PCDHGA6: variants seen among roughly 807,000 people sequenced by gnomAD.
The protein encoded by PCDHGA6 is protocadherin gamma subfamily A, 6.
In PCDHGA6, 41 loss-of-function variants were observed where a neutral mutation model predicts 60.6. The observed-to-expected ratio is 0.68, with a 90% CI of 0.53 to 0.88. The LOEUF (loss-of-function observed/expected upper bound fraction) is 0.88. Ranked by LOEUF, PCDHGA6 falls within the 40% of genes least tolerant of loss-of-function variation. The pLI, the probability that PCDHGA6 is intolerant of heterozygous loss-of-function variation, is 0.00. For missense variants in PCDHGA6, 1,312 were observed against 1,203.0 expected, an observed-to-expected ratio of 1.09 and a Z score of -1.34; for synonymous variants, 594 against 524.4, an observed-to-expected ratio of 1.13 and a Z score of -1.81.
At chr5:141,413,687 T>C (rs1470256826) in intron 1 of PCDHGA6, 1 of 1,613,784 alleles carries the variant, frequency 6.2e-7, no homozygotes, top group South Asian at 1.1e-5. Flanking sequence ...GTGAACTCCC[T>C]GCAGAGCTAT....
intron 1 of PCDHGA6, chr5:141,389,485 A>G (rs2091790696): frequency 1.2e-6 from 2 of 1,612,936 alleles, no homozygotes; most frequent in Non-Finnish European, 1.7e-6. Flanking sequence ...CAGGCCCGCG[A>G]CCAGGGCTCG....
At chr5:141,459,237 C>T (rs1004453705) in intron 1 of PCDHGA6, among the ~76,000 whole-genome samples, 1 of 152,214 alleles carries the variant, frequency 6.6e-6, no homozygotes, top group Admixed American at 6.5e-5. Flanking sequence ...AACTGGTCTG[C>T]TTCCTGTCAC....
chr5:141,495,702 T>C (rs1462896403), intron 2 of PCDHGA6, among the ~76,000 whole-genome samples: 3 of 152,212 alleles, frequency 2.0e-5, no homozygotes, highest in Non-Finnish European at 4.4e-5. Context: ...TCAATAAATG[T>C]GGAGTGAGTA....
At chr5:141,488,159 C>T (rs888153570) in intron 1 of PCDHGA6, among the ~76,000 whole-genome samples, 1 of 152,126 alleles carries the variant, frequency 6.6e-6, no homozygotes, top group Non-Finnish European at 1.5e-5. Flanking sequence ...GAGAGGCACG[C>T]ATCAGAGTGG....
At chr5:141,504,991 G>A (rs896449285) in intron 2 of PCDHGA6, among the ~76,000 whole-genome samples, 44 of 152,034 alleles carry the variant, frequency 2.9e-4, no homozygotes, top group Admixed American at 2.6e-3. Context: ...GTGAAACCCC[G>A]TCTGTACTAA....
In PCDHGA6 at chr5:141,375,735, T is replaced by C; in HGVS notation, c.1652T>C (p.Phe551Ser). 6.2e-7 allele frequency: 1 copy of C among 1,614,254 alleles called. No homozygotes were observed. The highest frequency in any genetic ancestry group is 8.5e-7 in the Non-Finnish European group (1 of 1,180,048). Residue 551 changes from phenylalanine to serine, a missense_variant, in exon 1 of 4, where the codon TTT becomes TCT. By Grantham distance (155) the Phe-to-Ser change is radical (BLOSUM62 -2). Transcript: ENST00000517434. ...PLSSNVSLSLFVLDQNDNAPE... is the reference protein window; with the variant it reads ...PLSSNVSLSLSVLDQNDNAPE... The stretch of plus-strand genomic sequence containing the variant: ...AGCAGCAACGTGTCACTGAGCCTGT[T>C]TGTGCTGGACCAGAATGACAATGCG...
Position 141,374,215 on chromosome 5 carries a change from C to T in PCDHGA6, c.132C>T (p.Phe44=), listed in dbSNP as rs770866531. 2.5e-6 allele frequency: 4 copies of T among 1,613,958 alleles called. No homozygotes were observed. The highest frequency in any genetic ancestry group is 1.1e-5 in the South Asian group (1 of 91,086). ...CCGAGGAGCTGGAGAAAGGCTCCTT[C>T]GTAGGCAACATCGTCAAGGATCTGG... is the stretch of plus-strand genomic sequence containing the variant. ...SIPEELEKGS[F]VGNIVKDLGL... Residue 44 remains phenylalanine (F), a synonymous_variant, in exon 1 of 4, where the codon TTC becomes TTT. Transcript: ENST00000517434.
chr5:141,392,802 A>G (rs2092597829), intron 1 of PCDHGA6: 7 of 1,572,582 alleles, frequency 4.5e-6, no homozygotes, highest in Non-Finnish European at 6.0e-6. Context: ...AGGATTCTGC[A>G]GCAAAACAAC....
intron 1 of PCDHGA6, among the ~76,000 whole-genome samples, chr5:141,460,620 C>G (rs185269852): frequency 5.6e-4 from 85 of 151,856 alleles, no homozygotes; most frequent in African/African-American, 1.9e-3. Context: ...GATAGATAGA[C>G]AGATACAGAT....
intron 1 of PCDHGA6, chr5:141,377,855 G>A (rs1291859496): frequency 6.6e-6 from 1 of 152,074 alleles, no homozygotes; most frequent in Non-Finnish European, 1.5e-5. Flanking sequence ...TTAAAATTAA[G>A]ATTTAAAAGA....
intron 1 of PCDHGA6, among the ~76,000 whole-genome samples, chr5:141,442,888 GCTTATCA>G (rs776180931): frequency 8.5e-5 from 13 of 152,204 alleles, no homozygotes; most frequent in Non-Finnish European, 1.8e-4. Flanking sequence ...CAGAATCCCT[GCTTATCA>G]CTTCTCCTTC....
chr5:141,477,245 A>G lies in PCDHGA6; in HGVS notation c.2425-17562A>G. On this transcript the variant is annotated intron_variant, in intron 1 of 3. Transcript: ENST00000517434. The surrounding 1 kb of genome is among the most constrained non-coding windows in gnomAD (Gnocchi z 4.9). ...GACTGTCATCGCTTTGCTCAGTGTG[A>G]CTGACCTGGATGCTGGCGAGAACGG... 3.7e-6 allele frequency: 6 copies of G among 1,614,128 alleles called. No homozygotes were observed. The highest frequency in any genetic ancestry group is 5.1e-6 in the Non-Finnish European group (6 of 1,180,026).
At chr5:141,387,844 G>A in intron 1 of PCDHGA6, 1 of 1,597,594 alleles carries the variant, frequency 6.3e-7, no homozygotes, top group South Asian at 1.1e-5. Flanking sequence ...TTGTAACCCG[G>A]CGTCTCCAGG....
In PCDHGA6 at chr5:141,375,275, G is replaced by C; in HGVS notation, c.1192G>C (p.Val398Leu). 3 of 1,613,902 alleles carry C rather than the reference G, an allele frequency of 1.9e-6. No individual in the cohort carries two copies. The highest frequency in any genetic ancestry group is 1.7e-6 in the Non-Finnish European group (2 of 1,179,902). The change falls in exon 1 of 4, where the codon GTT becomes CTT. Residue 398 changes from valine to leucine, a missense_variant. Physicochemically the swap from Val to Leu is conservative, Grantham distance 32 (BLOSUM62 1). Coordinates refer to ENST00000517434, the MANE Select transcript of PCDHGA6 (RefSeq NM_018919.3). ...TCTCCCATTTGAATTGGAAAAATCA[G>C]TTGGCAATTATTATCGATTAGTGAC... ...RSLPFELEKS[V>L]GNYYRLVTNA...
At chr5:141,408,856 G>A (rs750037212) in intron 1 of PCDHGA6, 1 of 1,613,518 alleles carries the variant, frequency 6.2e-7, no homozygotes, top group Non-Finnish European at 8.5e-7. Flanking sequence ...TGGACGGAGG[G>A]GACCCACCAA....
Position 141,404,163 on chromosome 5 carries a change from T to C in PCDHGA6, c.2424+27656T>C, listed in dbSNP as rs372897104. The C allele has an allele frequency of 4.6e-5, 74 of 1,613,126 alleles. No homozygotes were observed. The South Asian group carries it at 7.9e-4, about 17-fold the overall frequency. ...AATTCAGAAGAAGATTATTACAGATTGTTGACGGCCCAAATTCTTGACCGA... is the reference window on the plus strand; with the variant it reads ...AATTCAGAAGAAGATTATTACAGATCGTTGACGGCCCAAATTCTTGACCGA... On this transcript the variant is annotated intron_variant, in intron 1 of 3. Transcript: ENST00000517434.
chr5:141,494,935 G>A, intron 2 of PCDHGA6, 70 bp downstream of exon 2: 1 of 1,612,482 alleles, frequency 6.2e-7, no homozygotes, highest in Non-Finnish European at 8.5e-7. Flanking sequence ...GGGAGGAGAT[G>A]GGGGAGGGCC....
Position 141,388,684 on chromosome 5 carries a change from C to T in PCDHGA6, c.2424+12177C>T, listed in dbSNP as rs1458700152. 1.2e-5 allele frequency: 19 copies of T among 1,613,818 alleles called. No homozygotes were observed. Among genetic ancestry groups the T allele is most frequent in the African/African-American group, 2.7e-5 (2 of 74,912 alleles). On this transcript the variant is annotated intron_variant, in intron 1 of 3. Coordinates refer to ENST00000517434, the MANE Select transcript of PCDHGA6 (RefSeq NM_018919.3). ...ACCACGGTGCTACAGGTGACTGCCA[C>T]GGACCAGGATGAGGGTGTCAATGCC...
intron 1 of PCDHGA6, chr5:141,410,045 G>A (rs962300160): frequency 1.9e-6 from 3 of 1,613,048 alleles, no homozygotes; most frequent in African/African-American, 1.3e-5. Context: ...CAGTGAGCCC[G>A]GACTCTTCAG....
Sources: allele counts gnomAD v4.1 joint callset (sites outside exome capture counted in the v4.1 genomes callset), GRCh38; gene constraint gnomAD v4.1.1; non-coding constraint Gnocchi (gnomAD v3.1); transcripts MANE v1.5; gene names NCBI Gene and HGNC (gene_info 2026-07-23, HGNC 2026-07-21).